Variants in TENM2 observed in about 807,000 individuals in gnomAD.
The protein encoded by TENM2 is teneurin-2.
A neutral mutation model predicts 245.2 loss-of-function variants in TENM2; 52 were observed. That is an observed-to-expected ratio of 0.21 (90% confidence interval 0.17 to 0.27). TENM2 has a LOEUF of 0.27. TENM2 is among the 10% of genes least tolerant of loss of function. TENM2 has a pLI of 1.00. For synonymous variants in TENM2, 1,363 were observed against 1,438.9 expected (o/e 0.95, Z 1.19); for missense variants, 3,046 against 3,666.8 (o/e 0.83, Z 4.37).
chr5:168,214,669 T>C (rs1484260994), intron 20 of TENM2, among the ~76,000 whole-genome samples: 2 of 152,168 alleles, frequency 1.3e-5, no homozygotes, highest in African/African-American at 2.4e-5. Flanking sequence ...CACTTGAGAA[T>C]ACACTAAGCC....
intron 2 of TENM2, among the ~76,000 whole-genome samples, chr5:167,495,439 C>T (rs983783730): frequency 6.6e-6 from 1 of 151,968 alleles, no homozygotes; most frequent in Non-Finnish European, 1.5e-5. Flanking sequence ...AGTGAGGTGT[C>T]TTTTATGACC....
At chr5:167,435,965 CTTTTTTTTTCTTTTTTT>C (rs943629212) in intron 2 of TENM2, among the ~76,000 whole-genome samples, 4 of 125,964 alleles carry the variant, frequency 3.2e-5, no homozygotes, top group African/African-American at 1.3e-4. Context: ...ATTTCTTTTT[CTTTTTTTTTCTTTTTTT>C]TTTTTTTTTT....
At chr5:167,081,328 C>T in the TENM2 span, among the ~76,000 whole-genome samples, 1 of 151,974 alleles carries the variant, frequency 6.6e-6, no homozygotes, top group Non-Finnish European at 1.5e-5. Context: ...CTGACATAAC[C>T]TTTCTCGTTT....
rs1361928500 is a variant in TENM2, at chr5:167,625,728, G to A, written c.502+250255G>A. Among the ~76,000 whole-genome samples, 9 of 152,162 alleles carry A rather than the reference G, an allele frequency of 5.9e-5. No individual in the cohort carries two copies. The East Asian group carries it at 1.7e-3, about 29-fold the overall frequency. ...GTCAGAAATTTGGGAGTGCATTAAT[G>A]GGGCAGATCTGGCTCAGGGCCTTTC... On this transcript the variant is annotated intron_variant, in intron 2 of 28. Coordinates refer to ENST00000518659, the Ensembl canonical transcript of TENM2.
intron 2 of TENM2, among the ~76,000 whole-genome samples, chr5:167,740,951 C>T (rs113020646): frequency 1.3e-5 from 2 of 152,274 alleles, no homozygotes; most frequent in Admixed American, 6.5e-5. Flanking sequence ...ACGTGAGAAC[C>T]TTGGCATGTC....
Position 167,384,427 on chromosome 5 carries a change from G to A in TENM2, c.502+8954G>A, listed in dbSNP as rs547666513. On this transcript the variant is annotated intron_variant, in intron 2 of 28. Transcript: ENST00000518659. Reference sequence around the variant, plus strand: ...GTTGGAGAATGGGAGGTGAGGTGAAGATGATGATGATTTTTCAGGGGACAC... The same window carrying A: ...GTTGGAGAATGGGAGGTGAGGTGAAAATGATGATGATTTTTCAGGGGACAC... Among the ~76,000 whole-genome samples the A allele has an allele frequency of 5.3e-5, 8 of 152,166 alleles. No homozygotes were observed. In the East Asian group the frequency reaches 1.5e-3, roughly 29 times the overall value.
chr5:167,784,233 C>T (rs1764408269), intron 2 of TENM2, among the ~76,000 whole-genome samples: 2 of 152,132 alleles, frequency 1.3e-5, no homozygotes, highest in Admixed American at 1.3e-4. Flanking sequence ...TCTGCAGCTT[C>T]AGTTTTCACT....
chr5:167,260,163 G>A, the TENM2 span, among the ~76,000 whole-genome samples: 1 of 151,946 alleles, frequency 6.6e-6, no homozygotes, highest in Non-Finnish European at 1.5e-5. Context: ...AGTTATGAGA[G>A]GCCATTATAC....
intron 2 of TENM2, among the ~76,000 whole-genome samples, chr5:167,693,091 G>T (rs986638839): frequency 6.6e-6 from 1 of 152,236 alleles, no homozygotes; most frequent in African/African-American, 2.4e-5. Flanking sequence ...AATTAGGAAT[G>T]CTGTTCTCTA....
chr5:167,461,504 G>C (rs1198786024), intron 2 of TENM2, among the ~76,000 whole-genome samples: 1 of 152,156 alleles, frequency 6.6e-6, no homozygotes, highest in Non-Finnish European at 1.5e-5. Context: ...GTCTGACACT[G>C]TGATGCCAAC....
chr5:167,872,552 A>AAGAG (rs1561881774), intron 2 of TENM2, among the ~76,000 whole-genome samples: 36 of 48,404 alleles, frequency 7.4e-4, no homozygotes, highest in African/African-American at 2.0e-3. Context: ...AAGAAAGAGA[A>AAGAG]AGAAAGAAAG....
At chr5:167,868,490 G>A (rs1443829709) in intron 2 of TENM2, among the ~76,000 whole-genome samples, 1 of 151,978 alleles carries the variant, frequency 6.6e-6, no homozygotes, top group East Asian at 1.9e-4. Flanking sequence ...TGTAATCCCA[G>A]CACTTTGAGA....
At chr5:168,232,125 A>T (rs1405594121) in intron 25 of TENM2, among the ~76,000 whole-genome samples, 1 of 152,190 alleles carries the variant, frequency 6.6e-6, no homozygotes, top group African/African-American at 2.4e-5. Flanking sequence ...ACAGATGAGA[A>T]GGGGACAAGA....
chr5:167,530,038 T>C (rs1771388902), intron 2 of TENM2, among the ~76,000 whole-genome samples: 1 of 152,168 alleles, frequency 6.6e-6, no homozygotes, highest in African/African-American at 2.4e-5. Context: ...TACTAAGCAA[T>C]ATAGAATGTA....
chr5:167,539,388 A>G (rs573885559), intron 2 of TENM2, among the ~76,000 whole-genome samples: 29 of 151,842 alleles, frequency 1.9e-4, no homozygotes, highest in Admixed American at 1.2e-3. Flanking sequence ...CATGCATGCA[A>G]TTAATGAAAT....
intron 3 of TENM2, among the ~76,000 whole-genome samples, chr5:167,930,863 A>AT (rs1466438704): frequency 6.6e-6 from 1 of 152,104 alleles, no homozygotes; most frequent in East Asian, 1.9e-4. Context: ...AAGAGTTATT[A>AT]TTTTTGCTCT....
intron 7 of TENM2, among the ~76,000 whole-genome samples, chr5:168,074,930 T>C (rs952215533): frequency 1.3e-5 from 2 of 152,214 alleles, no homozygotes; most frequent in African/African-American, 4.8e-5. Flanking sequence ...CTACCCAATG[T>C]ACACTTTTAA....
chr5:166,993,222 C>G, the TENM2 span, among the ~76,000 whole-genome samples: 4 of 152,068 alleles, frequency 2.6e-5, no homozygotes, highest in Non-Finnish European at 5.9e-5. Context: ...ACATAATACC[C>G]AGAAGCGGAC....
intron 8 of TENM2, 53 bp from the exon 11 acceptor site, chr5:168,097,973 A>T: frequency 7.3e-7 from 1 of 1,374,022 alleles, no homozygotes; most frequent in Non-Finnish European, 1.0e-6. Flanking sequence ...CGGTTAAATT[A>T]CTGCACCAGT....
Sources: gnomAD v4.1 joint callset for allele counts (sites outside exome capture counted in the v4.1 genomes callset) on GRCh38, gnomAD v4.1.1 for gene constraint, MANE v1.5 for transcripts, NCBI Gene and HGNC (gene_info 2026-07-23, HGNC 2026-07-21) for gene names.